KIF2C: variants seen among roughly 807,000 people sequenced by gnomAD.
KIF2C encodes kinesin-like protein KIF2C.
KIF2C carries 34 observed loss-of-function variants against 97.4 expected under a neutral mutation model. The observed-to-expected ratio is 0.35, with a 90% CI of 0.27 to 0.46. The LOEUF (loss-of-function observed/expected upper bound fraction) is 0.46. Ranked by LOEUF, KIF2C falls within the 20% of genes least tolerant of loss-of-function variation. KIF2C has a pLI of 1.00. For missense variants in KIF2C, 750 were observed against 907.6 expected, an observed-to-expected ratio of 0.83 and a Z score of 2.23; for synonymous variants, 313 against 318.2, an observed-to-expected ratio of 0.98 and a Z score of 0.17.
intron 4 of KIF2C, among the ~76,000 whole-genome samples, chr1:44,750,135 GTC>G (rs1160152334): frequency 2.0e-5 from 3 of 151,306 alleles, no homozygotes; most frequent in African/African-American, 4.9e-5. Flanking sequence ...CTTAGATTAG[GTC>G]TCTCTCTCTC....
At chr1:44,755,886 T>C (rs1366146702) in intron 8 of KIF2C, 43 bp from the exon 9 acceptor site, 10 of 1,601,846 alleles carry the variant, frequency 6.2e-6, no homozygotes, top group South Asian at 1.1e-5. Context: ...TTGAAATTGC[T>C]CTGACCCTTT....
chr1:44,757,770 T>C (rs1649918931), intron 11 of KIF2C, 124 bp downstream of exon 11: 6 of 1,115,262 alleles, frequency 5.4e-6, no homozygotes, highest in Non-Finnish European at 6.8e-6. Flanking sequence ...CCAGATAGCC[T>C]TGCCATGTCA....
intron 16 of KIF2C, among the ~76,000 whole-genome samples, chr1:44,761,450 TAAAAA>T (rs531156279): frequency 6.6e-6 from 1 of 151,180 alleles, no homozygotes; most frequent in Admixed American, 6.6e-5. Context: ...TATTAAAAAA[TAAAAA>T]AAATTAGCCA....
intron 4 of KIF2C, 25 bp downstream of exon 4, chr1:44,747,725 T>C (rs1241656821): frequency 1.2e-6 from 2 of 1,600,758 alleles, no homozygotes; most frequent in South Asian, 1.1e-5. Flanking sequence ...ACTAGCTTAC[T>C]ATCATGGAAT....
chr1:44,758,940 T>A (rs183656977), intron 13 of KIF2C: 18 of 460,742 alleles, frequency 3.9e-5, no homozygotes, highest in Middle Eastern at 6.1e-4. Flanking sequence ...CTGTCTCACC[T>A]TTACAGATGA....
intron 10 of KIF2C, 65 bp downstream of exon 10, chr1:44,756,302 G>T (rs958766569): frequency 2.0e-6 from 3 of 1,482,968 alleles, no homozygotes; most frequent in Non-Finnish European, 1.9e-6. Flanking sequence ...GTGGGACATC[G>T]TGGTAACACT....
chr1:44,756,196 C>T lies in KIF2C; in HGVS notation c.936C>T (p.Asp312=), dbSNP rs981637306. ...KYLENQAFCF[D]FAFDETASNE... ...TGGAGAACCAAGCATTCTGCTTTGA[C>T]TTTGCATTTGATGAAACAGCTTCGA... The change falls in exon 10 of 21, where the codon GAC becomes GAT. Residue 312 remains aspartate, a synonymous_variant. Coordinates refer to ENST00000372224, the MANE Select transcript of KIF2C (RefSeq NM_006845.4). The T allele has an allele frequency of 6.2e-7, 1 of 1,614,246 alleles. No individual in the cohort carries two copies. Among genetic ancestry groups the T allele is most frequent in the Non-Finnish European group, 8.5e-7 (1 of 1,180,036 alleles).
intron 19 of KIF2C, among the ~76,000 whole-genome samples, chr1:44,763,655 CAT>C (rs1650285530): frequency 2.0e-5 from 3 of 152,176 alleles, no homozygotes; most frequent in Non-Finnish European, 4.4e-5. Context: ...TTAGATATAT[CAT>C]ATGGCCACCA....
intron 19 of KIF2C, among the ~76,000 whole-genome samples, chr1:44,766,189 C>T (rs1448237239): frequency 6.6e-6 from 1 of 152,110 alleles, no homozygotes; most frequent in Non-Finnish European, 1.5e-5. Flanking sequence ...TCGCACACCA[C>T]TTCACTCCAG....
rs1649723311 is a variant in KIF2C, at chr1:44,754,742, CA to C, written c.664-5del. On this transcript the variant is annotated splice_polypyrimidine_tract_variant and splice_region_variant and intron_variant, in intron 7 of 20. Coordinates refer to ENST00000372224, the MANE Select transcript of KIF2C (RefSeq NM_006845.4). ...AGTCTGCCCTTTTTCACTCTCGTCT[CA>C]AACCAGGAGTATGACAGTAGTTTTC... 1 of 1,582,224 alleles carries C rather than the reference CA, an allele frequency of 6.3e-7. No homozygotes were observed. Among genetic ancestry groups the C allele is most frequent in the South Asian group, 1.1e-5 (1 of 90,450 alleles).
intron 2 of KIF2C, 135 bp downstream of exon 2, chr1:44,741,142 G>A (rs926001054): frequency 6.3e-6 from 4 of 638,630 alleles, no homozygotes; most frequent in African/African-American, 5.5e-5. Context: ...CAGAACTTTG[G>A]GAGGCTGAGA....
chr1:44,745,399 C>T (rs1649131930), intron 2 of KIF2C, among the ~76,000 whole-genome samples: 2 of 140,722 alleles, frequency 1.4e-5, no homozygotes, highest in African/African-American at 5.3e-5. Flanking sequence ...CTTTGATTTC[C>T]TTTGTACATA....
At chr1:44,748,829 G>A (rs1305009692) in intron 4 of KIF2C, among the ~76,000 whole-genome samples, 3 of 151,250 alleles carry the variant, frequency 2.0e-5, no homozygotes, top group Admixed American at 6.6e-5. Context: ...TTGCAGGCGC[G>A]AGCCACCATG....
chr1:44,767,353 A>G lies in KIF2C; in HGVS notation c.*174A>G. ...CAGCTGGGGAGGGGGTCAGAGTGAC[A>G]TGGGACACTCCTTTTCTGTTCCTCA... On this transcript the variant is annotated 3_prime_UTR_variant, in exon 21 of 21. Transcript: ENST00000372224. 1 of 577,126 alleles carries G rather than the reference A, an allele frequency of 1.7e-6. No homozygotes were observed. Among genetic ancestry groups the G allele is most frequent in the Non-Finnish European group, 3.1e-6 (1 of 319,414 alleles). 35.8% of individuals were successfully genotyped at this position (577,126 alleles called of 1,614,324 possible). A position where few individuals can be genotyped will look rare whatever the true frequency, so the allele number is the denominator to read the frequency against.
rs1277627345 is a variant in KIF2C, at chr1:44,767,555, T to C, written c.*376T>C. ...GGCTCTGGGGAGAGAGACGGAGCCTTTAGTACAGCTATCTGCTGGCTCTAA... is the reference window on the plus strand; with the variant it reads ...GGCTCTGGGGAGAGAGACGGAGCCTCTAGTACAGCTATCTGCTGGCTCTAA... On this transcript the variant is annotated 3_prime_UTR_variant, in exon 21 of 21. Coordinates refer to ENST00000372224, the MANE Select transcript of KIF2C (RefSeq NM_006845.4). The C allele has an allele frequency of 4.7e-6, 1 of 214,666 alleles. No individual in the cohort carries two copies. Among genetic ancestry groups the C allele is most frequent in the Non-Finnish European group, 9.6e-6 (1 of 104,638 alleles). 13.3% of individuals were successfully genotyped at this position (214,666 alleles called of 1,614,324 possible).
intron 11 of KIF2C, 97 bp downstream of exon 11, chr1:44,757,743 T>A: frequency 9.1e-7 from 1 of 1,099,870 alleles, no homozygotes; most frequent in Non-Finnish European, 1.4e-6. Context: ...AGGCCCCTTG[T>A]TACAGATGCC....
rs1650089236 is a variant in KIF2C, at chr1:44,760,583, C to T, written c.1573-9C>T. On this transcript the variant is annotated splice_polypyrimidine_tract_variant and intron_variant, in intron 15 of 20. Coordinates refer to ENST00000372224, the MANE Select transcript of KIF2C (RefSeq NM_006845.4). The surrounding 1 kb of genome is among the most constrained non-coding windows in gnomAD (Gnocchi z 4.2). Reference sequence around the variant, plus strand: ...GAAGGGACCTCAGTTGTTCCTGCTGCCCCCACAGGAGTGCATCAGGGCCCT... The same window carrying T: ...GAAGGGACCTCAGTTGTTCCTGCTGTCCCCACAGGAGTGCATCAGGGCCCT... 6.2e-7 allele frequency: 1 copy of T among 1,613,068 alleles called. No individual in the cohort carries two copies. Among genetic ancestry groups the T allele is most frequent in the Non-Finnish European group, 8.5e-7 (1 of 1,179,164 alleles).
Position 44,760,348 on chromosome 1 carries a change from G to C in KIF2C, c.1436G>C (p.Arg479Pro). ...CACGCGTGCTTCCAAATTATTCTTCGAGCTAAAGGGAGAATGCATGGCAAG... is the reference window on the plus strand; with the variant it reads ...CACGCGTGCTTCCAAATTATTCTTCCAGCTAAAGGGAGAATGCATGGCAAG... ...RSHACFQIIL[R>P]AKGRMHGKFS... Residue 479 changes from arginine to proline, a missense_variant, in exon 15 of 21, where the codon CGA becomes CCA. By Grantham distance (103) the Arg-to-Pro change is moderately radical. Transcript: ENST00000372224. The surrounding 1 kb of genome is among the most constrained non-coding windows in gnomAD (Gnocchi z 4.2). The C allele has an allele frequency of 6.2e-7, 1 of 1,614,152 alleles. No homozygotes were observed. The highest frequency in any genetic ancestry group is 8.5e-7 in the Non-Finnish European group (1 of 1,180,032).
At chr1:44,765,753 T>C (rs960695224) in intron 19 of KIF2C, among the ~76,000 whole-genome samples, 5 of 152,072 alleles carry the variant, frequency 3.3e-5, no homozygotes, top group Non-Finnish European at 7.4e-5. Context: ...ATACCTATTA[T>C]TTAAAAAGAA....
Sources: allele counts gnomAD v4.1 joint callset (sites outside exome capture counted in the v4.1 genomes callset), GRCh38; gene constraint gnomAD v4.1.1; non-coding constraint Gnocchi (gnomAD v3.1); transcripts MANE v1.5; gene names NCBI Gene and HGNC (gene_info 2026-07-23, HGNC 2026-07-21).